Variants in CAPNS1 observed in about 807,000 individuals in gnomAD.
CAPNS1 encodes the protein CANP small subunit.
A neutral mutation model predicts 39.2 loss-of-function variants in CAPNS1; 32 were observed. The ratio of observed to expected loss-of-function variants is 0.82; its 90% CI spans 0.62 to 1.10. The LOEUF (loss-of-function observed/expected upper bound fraction) is 1.10. Ranked by LOEUF, CAPNS1 falls within the 50% of genes least tolerant of loss-of-function variation. CAPNS1 has a pLI of 0.00. For missense variants in CAPNS1, 353 were observed against 373.1 expected, an observed-to-expected ratio of 0.95 and a Z score of 0.44; for synonymous variants, 153 against 136.2, an observed-to-expected ratio of 1.12 and a Z score of -0.86.
chr19:36,142,483 G>A (rs1479365818), intron 3 of CAPNS1, 150 bp downstream of exon 3: 2 of 693,102 alleles, frequency 2.9e-6, no homozygotes, highest in African/African-American at 3.6e-5. Context: ...CTTCGCCATG[G>A]GTCTTAGCCA....
At chr19:36,146,351 C>T (rs1974568521) in intron 9 of CAPNS1, 39 bp downstream of exon 9, 1 of 1,302,604 alleles carries the variant, frequency 7.7e-7, no homozygotes, top group Non-Finnish European at 1.1e-6. Flanking sequence ...GTGGGGATTC[C>T]TATGACCTCT....
intron 6 of CAPNS1, among the ~76,000 whole-genome samples, 199 bp downstream of exon 6, chr19:36,143,327 C>T (rs1974447726): frequency 6.6e-6 from 1 of 152,016 alleles, no homozygotes; most frequent in Non-Finnish European, 1.5e-5. Flanking sequence ...ATAAAGTGAC[C>T]GAACCGTCAT....
chr19:36,144,877 AAAAGG>A (rs1298314059), intron 6 of CAPNS1, among the ~76,000 whole-genome samples: 1 of 152,238 alleles, frequency 6.6e-6, no homozygotes, highest in Non-Finnish European at 1.5e-5. Flanking sequence ...AACTACATCC[AAAAGG>A]TTTAGCACAG....
intron 6 of CAPNS1, chr19:36,145,569 T>C (rs966062536): frequency 1.2e-4 from 61 of 492,098 alleles, no homozygotes; most frequent in Non-Finnish European, 2.0e-4. Flanking sequence ...TTTAGAGTAG[T>C]TGAATATAAT....
intron 6 of CAPNS1, chr19:36,145,441 G>A (rs1412201612): frequency 2.4e-5 from 5 of 206,130 alleles, no homozygotes; most frequent in African/African-American, 1.2e-4. Context: ...CTGACCTCAA[G>A]TGAACCGCCT....
chr19:36,141,982 G>A (rs1021253540), intron 2 of CAPNS1, among the ~76,000 whole-genome samples: 4 of 152,140 alleles, frequency 2.6e-5, no homozygotes, highest in Admixed American at 6.5e-5. Flanking sequence ...TTGATTCTAC[G>A]TGGGATTTTT....
At position 36,145,582 on chromosome 19, in the gene CAPNS1, C is replaced by G. The variant is rs1017670715; in HGVS notation, c.457-224C>G. The stretch of plus-strand genomic sequence containing the variant: ...ACTTTAGAGTAGTTGAATATAATTC[C>G]TCATGGTTATGTTTAAAGAGAATCC... On this transcript the variant is annotated intron_variant, in intron 6 of 10. Transcript: ENST00000246533. 16 of 517,508 alleles carry G rather than the reference C, an allele frequency of 3.1e-5. No individual in the cohort carries two copies. In the East Asian group the frequency reaches 5.0e-4, roughly 16 times the overall value. The allele number at this position is 517,508 out of a possible 1,614,324, so 32.1% of individuals were successfully genotyped here. A position where few individuals can be genotyped will look rare whatever the true frequency, so the allele number is the denominator to read the frequency against.
intron 7 of CAPNS1, 43 bp from the exon 8 acceptor site, chr19:36,145,933 G>A: frequency 6.2e-7 from 1 of 1,612,542 alleles, no homozygotes; most frequent in Non-Finnish European, 8.5e-7. Flanking sequence ...GAGACACTAT[G>A]CCCCACAATG....
At chr19:36,148,816 A>G (rs935890768) in intron 9 of CAPNS1, among the ~76,000 whole-genome samples, 3 of 152,094 alleles carry the variant, frequency 2.0e-5, no homozygotes, top group Non-Finnish European at 4.4e-5. Flanking sequence ...CTGTCTCAAA[A>G]AAAAAAAGAA....
chr19:36,145,239 CTG>C (rs1226249579), intron 6 of CAPNS1: 2 of 135,480 alleles, frequency 1.5e-5, no homozygotes, highest in Non-Finnish European at 3.1e-5. Flanking sequence ...GAGTCTCACT[CTG>C]TTTCCCAGGC....
chr19:36,146,396 G>A, intron 9 of CAPNS1, 84 bp downstream of exon 9: 1 of 864,742 alleles, frequency 1.2e-6, no homozygotes. Context: ...TGACTTTGAG[G>A]TGGGCGATGC....
At chr19:36,146,400 G>T in intron 9 of CAPNS1, 88 bp downstream of exon 9, 1 of 831,760 alleles carries the variant, frequency 1.2e-6, no homozygotes, top group Admixed American at 1.7e-5. Flanking sequence ...TTTGAGGTGG[G>T]CGATGCTAGG....
intron 4 of CAPNS1, 64 bp downstream of exon 4, chr19:36,142,805 T>C: frequency 6.3e-7 from 1 of 1,581,502 alleles, no homozygotes; most frequent in South Asian, 1.1e-5. Flanking sequence ...TGGCTGCCCT[T>C]GCACACACAC....
Position 36,143,010 on chromosome 19 carries a change from G to A in CAPNS1, c.391+44G>A, listed in dbSNP as rs1301272398. 4 of 1,612,738 alleles carry A rather than the reference G, an allele frequency of 2.5e-6. No individual in the cohort carries two copies. The Admixed American group carries it at 6.7e-5, about 27-fold the overall frequency. On this transcript the variant is annotated intron_variant, in intron 5 of 10. Coordinates refer to ENST00000246533, the MANE Select transcript of CAPNS1 (RefSeq NM_001749.4). ...GGAATAGGGTAGATTCAGAGGCAGAGGGGTCAGAGAGGATTTGACCTCTGG... is the reference window on the plus strand; with the variant it reads ...GGAATAGGGTAGATTCAGAGGCAGAAGGGTCAGAGAGGATTTGACCTCTGG...
Position 36,141,237 on chromosome 19 carries a change from CA to C in CAPNS1, c.209+18del. 1.3e-6 allele frequency: 2 copies of C among 1,515,376 alleles called. No individual in the cohort carries two copies. Among genetic ancestry groups the C allele is most frequent in the Non-Finnish European group, 1.8e-6 (2 of 1,137,764 alleles). The allele number at this position is 1,515,376 out of a possible 1,614,324, so 93.9% of individuals were successfully genotyped here. ...CGCCATCAGGTAAGGCGGAGACTAT[CA>C]GAGGGGCGGGGCCTGGGAATGGGAG... On this transcript the variant is annotated intron_variant, in intron 2 of 10. Coordinates refer to ENST00000246533, the MANE Select transcript of CAPNS1 (RefSeq NM_001749.4).
intron 3 of CAPNS1, 46 bp downstream of exon 3, chr19:36,142,379 T>C: frequency 9.5e-7 from 1 of 1,049,548 alleles, no homozygotes; most frequent in Non-Finnish European, 1.4e-6. Context: ...CCAAGGCCTC[T>C]TCGAGGTCCC....
Position 36,149,802 on chromosome 19 carries a change from C to T in CAPNS1, c.781-11C>T, listed in dbSNP as rs763540586. ...GTTCCCTGTCCTCACTCTCCACCCT[C>T]CTCTCCCCAGTGGCTGCAGCTGACT... On this transcript the variant is annotated splice_polypyrimidine_tract_variant and intron_variant, in intron 10 of 10. Transcript: ENST00000246533. 6.6e-7 allele frequency: 1 copy of T among 1,524,994 alleles called. No individual in the cohort carries two copies. Among genetic ancestry groups the T allele is most frequent in the Non-Finnish European group, 8.8e-7 (1 of 1,131,360 alleles). 94.5% of individuals were successfully genotyped at this position (1,524,994 alleles called of 1,614,324 possible).
At chr19:36,148,658 A>G (rs2145934149) in intron 9 of CAPNS1, among the ~76,000 whole-genome samples, 1 of 151,920 alleles carries the variant, frequency 6.6e-6, no homozygotes, top group South Asian at 2.1e-4. Flanking sequence ...TAAAAATACA[A>G]AAAAATTAGC....
intron 7 of CAPNS1, 44 bp downstream of exon 7, chr19:36,145,918 C>G (rs1226916675): frequency 1.2e-6 from 2 of 1,611,926 alleles, no homozygotes; most frequent in South Asian, 1.1e-5. Context: ...GACCCCCAAG[C>G]CATGGAGACA....
Sources: allele counts gnomAD v4.1 joint callset (sites outside exome capture counted in the v4.1 genomes callset), GRCh38; gene constraint gnomAD v4.1.1; transcripts MANE v1.5; gene names NCBI Gene and HGNC (gene_info 2026-07-23, HGNC 2026-07-21).